ACOT11: variants seen among roughly 807,000 people sequenced by gnomAD.
ACOT11 encodes the protein acyl-coenzyme A thioesterase 11.
Under a neutral mutation model 77.5 loss-of-function variants are expected in ACOT11, and 69 were observed. The ratio of observed to expected loss-of-function variants is 0.89; its 90% confidence interval spans 0.73 to 1.09. The LOEUF (loss-of-function observed/expected upper bound fraction) is 1.09. ACOT11 is among the 50% of genes least tolerant of loss of function. ACOT11 has a pLI of 0.00. For synonymous variants in ACOT11, 279 were observed against 313.0 expected (o/e 0.89, Z 1.15); for missense variants, 766 against 813.7 (o/e 0.94, Z 0.71).
At chr1:54,621,762 A>G (rs1271859283) in intron 15 of ACOT11, 2 of 152,568 alleles carry the variant, frequency 1.3e-5, no homozygotes, top group Non-Finnish European at 2.9e-5. Flanking sequence ...GAACACAGGC[A>G]TGAGGTGGGG....
At position 54,556,754 on chromosome 1, in the gene ACOT11, G is replaced by C. The variant is rs573138927; in HGVS notation, c.33+8412G>C. ...GTGCCACCATGCCTGGCTAATTTTT[G>C]TATTTTTAGTAGAGACAGGGCTTCA... On this transcript the variant is annotated intron_variant, in intron 1 of 15. Coordinates refer to ENST00000343744, the MANE Select transcript of ACOT11 (RefSeq NM_147161.4). 8.7e-5 allele frequency among the ~76,000 whole-genome samples: 13 copies of C among 150,230 alleles called. 1 individual carries two copies. Among genetic ancestry groups the C allele is most frequent in the Admixed American group, 8.0e-4 (12 of 15,072 alleles).
At position 54,609,281 on chromosome 1, in the gene ACOT11, A is replaced by G; in HGVS notation, c.*169A>G. On this transcript the variant is annotated 3_prime_UTR_variant, in exon 16 of 16. Coordinates refer to ENST00000343744, the MANE Select transcript of ACOT11 (RefSeq NM_147161.4). ...ACCCCTGGGTGCTCAGTTTCTACCA[A>G]CATGAGCCAGCAAGTCCTTGTGGTA... 6.2e-7 allele frequency: 1 copy of G among 1,605,632 alleles called. No homozygotes were observed. Among genetic ancestry groups the G allele is most frequent in the Non-Finnish European group, 8.5e-7 (1 of 1,173,928 alleles).
rs546525097 is a variant in ACOT11 at position 54,578,898 on chromosome 1, C to A, written c.34-5757C>A. ...CGTATGAGAACTGCTAGCATAGGAC[C>A]TGAGACTTAGTAGGCATTCAATAAC... On this transcript the variant is annotated intron_variant, in intron 1 of 15. Transcript: ENST00000343744. Among the ~76,000 whole-genome samples, 6 of 151,700 alleles carry A rather than the reference C, an allele frequency of 4.0e-5. No individual in the cohort carries two copies. The East Asian group carries it at 9.7e-4, about 24-fold the overall frequency.
intron 1 of ACOT11, among the ~76,000 whole-genome samples, chr1:54,554,749 G>A (rs141491184): frequency 6.6e-6 from 1 of 152,144 alleles, no homozygotes; most frequent in African/African-American, 2.4e-5. Context: ...GGGAGTAGAG[G>A]TATCTCTTCA....
intron 1 of ACOT11, among the ~76,000 whole-genome samples, chr1:54,563,500 T>C (rs1197437972): frequency 6.6e-6 from 1 of 152,258 alleles, no homozygotes; most frequent in Admixed American, 6.5e-5. Flanking sequence ...TTTTATATAA[T>C]GTATAGAAAA....
At position 54,621,308 on chromosome 1, in the gene ACOT11, T is replaced by G. The variant is rs1180851953; in HGVS notation, c.1630-9426T>G. Among the ~76,000 whole-genome samples, 3 of 151,516 alleles carry G rather than the reference T, an allele frequency of 2.0e-5. No individual in the cohort carries two copies. In the East Asian group the frequency reaches 5.8e-4, roughly 29 times the overall value. On this transcript the variant is annotated intron_variant, in intron 15 of 16. Coordinates refer to the ACOT11 transcript ENST00000371316. ...CCCATCTCTACTAAAAATAGAAAAA[T>G]TAGCTGGGCGTGGTGGTCCATGCCT...
intron 1 of ACOT11, among the ~76,000 whole-genome samples, chr1:54,571,053 T>A (rs892304353): frequency 2.7e-5 from 4 of 147,738 alleles, no homozygotes; most frequent in African/African-American, 1.0e-4. Context: ...TGAATCCCAA[T>A]TATGATATTC....
chr1:54,566,501 ATCT>A (rs1229055420), intron 1 of ACOT11, among the ~76,000 whole-genome samples: 28 of 150,624 alleles, frequency 1.9e-4, no homozygotes, highest in African/African-American at 6.4e-4. Flanking sequence ...CTGTCAACCC[ATCT>A]TCTTGGATGA....
At chr1:54,587,342 G>A (rs934379554) in intron 3 of ACOT11, among the ~76,000 whole-genome samples, 3 of 151,778 alleles carry the variant, frequency 2.0e-5, no homozygotes. Context: ...GTGAAACCCT[G>A]TCTCTACTGA....
At chr1:54,578,389 G>T (rs893403869) in intron 1 of ACOT11, among the ~76,000 whole-genome samples, 2 of 152,148 alleles carry the variant, frequency 1.3e-5, no homozygotes, top group Admixed American at 6.5e-5. Flanking sequence ...GGCAGTGCAG[G>T]CCCCACCCCC....
At chr1:54,566,223 G>A (rs407444) in intron 1 of ACOT11, among the ~76,000 whole-genome samples, 14,164 of 152,166 alleles carry the variant, frequency 0.093, 1,012 homozygotes, top group African/African-American at 0.19. Context: ...TTGGGAGGCC[G>A]AGGCAGGCGG....
At chr1:54,635,510 C>A (rs902159348) in exon 17 of ACOT11, 2 of 199,456 alleles carry the variant, frequency 1.0e-5, no homozygotes, top group Non-Finnish European at 2.0e-5. Context: ...TAGAAGGACA[C>A]TCTACAAACT....
intron 15 of ACOT11, among the ~76,000 whole-genome samples, chr1:54,629,609 G>A (rs1384934810): frequency 7.5e-6 from 1 of 133,282 alleles, no homozygotes; most frequent in African/African-American, 2.5e-5. Context: ...TTTTGAGACA[G>A]TGTCTTGCTC....
chr1:54,560,824 C>A (rs1653446568), intron 1 of ACOT11, among the ~76,000 whole-genome samples: 1 of 152,110 alleles, frequency 6.6e-6, no homozygotes, highest in African/African-American at 2.4e-5. Flanking sequence ...TGGGTTCAAG[C>A]AATTCCCCTT....
chr1:54,549,402 C>G (rs1162151794), intron 1 of ACOT11, among the ~76,000 whole-genome samples: 2 of 152,184 alleles, frequency 1.3e-5, no homozygotes. Flanking sequence ...GAGCTGCTCT[C>G]CGCGGCTTCG....
Position 54,609,009 on chromosome 1 carries a change from A to C in ACOT11, c.1682A>C (p.Asn561Thr). The change falls in exon 16 of 16, where the codon AAC becomes ACC. Residue 561 changes from asparagine to threonine, a missense_variant. Physicochemically the swap from Asn to Thr is moderately conservative, Grantham distance 65 (BLOSUM62 0). Coordinates refer to ENST00000343744, the MANE Select transcript of ACOT11 (RefSeq NM_147161.4). ...GGTGTTCTCAACTATGTGACCACCA[A>C]CGTGGCCGGCCTCTCCTCTGAGTTC... is the stretch of plus-strand genomic sequence containing the variant. ...TPGVLNYVTTNVAGLSSEFYT... is the reference protein window; with the variant it reads ...TPGVLNYVTTTVAGLSSEFYT... 6.2e-7 allele frequency: 1 copy of C among 1,608,126 alleles called. No homozygotes were observed. The highest frequency in any genetic ancestry group is 8.5e-7 in the Non-Finnish European group (1 of 1,177,492).
chr1:54,553,963 C>T (rs898085945), intron 1 of ACOT11, among the ~76,000 whole-genome samples: 8 of 152,086 alleles, frequency 5.3e-5, no homozygotes, highest in African/African-American at 1.2e-4. Flanking sequence ...CGCTTGAGCT[C>T]AGGACTTCGA....
chr1:54,568,784 A>G (rs150970203), intron 1 of ACOT11, among the ~76,000 whole-genome samples: 25 of 152,040 alleles, frequency 1.6e-4, no homozygotes, highest in African/African-American at 4.8e-4. Flanking sequence ...GTCTCACTCT[A>G]TTGCCTAGCC....
chr1:54,630,431 A>G (rs1048836876), intron 15 of ACOT11, among the ~76,000 whole-genome samples: 3 of 152,236 alleles, frequency 2.0e-5, no homozygotes, highest in Non-Finnish European at 4.4e-5. Context: ...ACGGCAAGGA[A>G]CACCTGGCCC....
Sources: gnomAD v4.1 joint callset for allele counts (sites outside exome capture counted in the v4.1 genomes callset) on GRCh38, gnomAD v4.1.1 for gene constraint, MANE v1.5 for transcripts, NCBI Gene and HGNC (gene_info 2026-07-23, HGNC 2026-07-21) for gene names.